Variants in SCGB2B2 observed in about 807,000 individuals in gnomAD.
The protein encoded by SCGB2B2 is secretoglobin family 2B member 2.
In SCGB2B2, 11 loss-of-function variants were observed where a neutral mutation model predicts 7.6. The observed-to-expected ratio is 1.45, with a 90% confidence interval of 0.91 to 2.40. The LOEUF (loss-of-function observed/expected upper bound fraction) is 2.40. SCGB2B2 is among the 30% of genes most tolerant of loss of function. SCGB2B2 has a pLI of 0.00. For missense variants in SCGB2B2, 104 were observed against 115.4 expected, an observed-to-expected ratio of 0.90 and a Z score of 0.45; for synonymous variants, 50 against 48.6, an observed-to-expected ratio of 1.03 and a Z score of -0.12.
At chr19:34,673,260 G>A (rs1049502178) in intron 1 of SCGB2B2, among the ~76,000 whole-genome samples, 2 of 152,122 alleles carry the variant, frequency 1.3e-5, no homozygotes, top group Non-Finnish European at 2.9e-5. Flanking sequence ...TCTTTCTCAA[G>A]TGTCTGGCAT....
chr19:34,635,604 G>C (rs1477322554), intron 1 of SCGB2B2: 1 of 225,204 alleles, frequency 4.4e-6, no homozygotes, highest in African/African-American at 2.3e-5. Context: ...GCATTTGTAA[G>C]GTCTTTCTCT....
intron 1 of SCGB2B2, among the ~76,000 whole-genome samples, chr19:34,649,242 A>G (rs1358476142): frequency 2.0e-5 from 3 of 152,164 alleles, no homozygotes; most frequent in African/African-American, 4.8e-5. Flanking sequence ...CTGTATGTAA[A>G]AGTTCCGGAA....
At chr19:34,617,797 A>G (rs2062255784) in intron 1 of SCGB2B2, among the ~76,000 whole-genome samples, 1 of 152,196 alleles carries the variant, frequency 6.6e-6, no homozygotes, top group African/African-American at 2.4e-5. Context: ...GTTTTTGCCC[A>G]TTCAGTATGA....
chr19:34,594,115 A>T (rs1214774631), intron 3 of SCGB2B2, 60 bp downstream of exon 3: 4 of 1,360,876 alleles, frequency 2.9e-6, no homozygotes, highest in Non-Finnish European at 4.2e-6. Flanking sequence ...AAGTGCAGGG[A>T]AGTGCAAGCC....
chr19:34,604,226 C>G (rs1473622029), intron 1 of SCGB2B2, among the ~76,000 whole-genome samples: 1 of 152,152 alleles, frequency 6.6e-6, no homozygotes, highest in Non-Finnish European at 1.5e-5. Flanking sequence ...ATATCAGGCT[C>G]AGGATGTCCC....
chr19:34,630,239 C>T (rs2066491247), intron 1 of SCGB2B2, among the ~76,000 whole-genome samples: 1 of 151,890 alleles, frequency 6.6e-6, no homozygotes, highest in Non-Finnish European at 1.5e-5. Context: ...AAAGCAATGG[C>T]AACAAATGCC....
At chr19:34,649,411 C>A (rs956614207) in intron 1 of SCGB2B2, among the ~76,000 whole-genome samples, 7 of 152,132 alleles carry the variant, frequency 4.6e-5, no homozygotes, top group Admixed American at 4.6e-4. Flanking sequence ...CTGAACAGAA[C>A]TGACACACAC....
At chr19:34,602,121 TTC>T (rs2065643368) in intron 1 of SCGB2B2, among the ~76,000 whole-genome samples, 1 of 152,204 alleles carries the variant, frequency 6.6e-6, no homozygotes, top group Non-Finnish European at 1.5e-5. Flanking sequence ...ATTATTTTAT[TTC>T]TGTCTTCTAA....
intron 1 of SCGB2B2, among the ~76,000 whole-genome samples, chr19:34,650,338 C>T (rs1003848704): frequency 2.6e-5 from 4 of 151,290 alleles, no homozygotes; most frequent in Non-Finnish European, 5.9e-5. Context: ...AAACCTCCTG[C>T]TCACCTGGCT....
downstream of SCGB2B2, among the ~76,000 whole-genome samples, chr19:34,590,106 T>C (rs534757921): frequency 2.6e-5 from 4 of 152,322 alleles, no homozygotes; most frequent in African/African-American, 7.2e-5. Flanking sequence ...ATTTCAACCT[T>C]GAGAATGGCT....
rs112260708 is a variant in SCGB2B2, at chr19:34,657,070, T to C, written c.-2032+18560A>G. On this transcript the variant is annotated intron_variant, in intron 1 of 3. Transcript: ENST00000601241. ...CTACAGAGAATATATTAAAGAGTTT[T>C]TGAATGCTGAATACGAAACAATATA... 4.8e-3 allele frequency among the ~76,000 whole-genome samples: 722 copies of C among 151,424 alleles called. 14 individuals are homozygous for C. Among genetic ancestry groups the C allele is most frequent in the Non-Finnish European group, 7.5e-3 (512 of 68,024 alleles).
rs2065300817 is a variant in SCGB2B2, at chr19:34,591,651, C to A, written c.*1904G>T. Among the ~76,000 whole-genome samples, 1 of 152,208 alleles carries A rather than the reference C, an allele frequency of 6.6e-6. No homozygotes were observed. The highest frequency in any genetic ancestry group is 1.5e-5 in the Non-Finnish European group (1 of 68,038). ...TCTGACGTGACCTCCTTCCCTGCTG[C>A]CCCTTGTTCCAGCTGCACTGGCCAT... On this transcript the variant is annotated 3_prime_UTR_variant, in exon 4 of 4. Transcript: ENST00000601241.
chr19:34,612,878 T>C (rs1478406393), intron 1 of SCGB2B2, among the ~76,000 whole-genome samples: 1 of 152,230 alleles, frequency 6.6e-6, no homozygotes, highest in Non-Finnish European at 1.5e-5. Flanking sequence ...CATACCCTCT[T>C]GGTATATTGA....
At chr19:34,590,132 C>G (rs1348688062), downstream of SCGB2B2, among the ~76,000 whole-genome samples, 1 of 152,128 alleles carries the variant, frequency 6.6e-6, no homozygotes, top group Non-Finnish European at 1.5e-5. Context: ...GCCTATTGTC[C>G]CTAGACCACA....
chr19:34,587,500 C>G (rs1239234551), downstream of SCGB2B2, among the ~76,000 whole-genome samples: 1 of 152,170 alleles, frequency 6.6e-6, no homozygotes, highest in Admixed American at 6.5e-5. Context: ...ATCCTCCTTT[C>G]CAGTCTGGAT....
intron 1 of SCGB2B2, among the ~76,000 whole-genome samples, chr19:34,628,298 A>T (rs8107481): frequency 1.7e-4 from 25 of 151,488 alleles, no homozygotes; most frequent in Admixed American, 5.3e-4. Context: ...GATAGAGACA[A>T]AAAAAAACTC....
At chr19:34,631,975 A>G (rs2066548256) in intron 1 of SCGB2B2, 1 of 152,198 alleles carries the variant, frequency 6.6e-6, no homozygotes, top group South Asian at 2.1e-4. Context: ...ATAAGATCAA[A>G]TAATTTTAAA....
intron 1 of SCGB2B2, among the ~76,000 whole-genome samples, chr19:34,658,152 C>T (rs1466326999): frequency 6.6e-6 from 1 of 152,146 alleles, no homozygotes; most frequent in South Asian, 2.1e-4. Context: ...GAGGAGAGAT[C>T]TAAAATCGAC....
intron 1 of SCGB2B2, among the ~76,000 whole-genome samples, chr19:34,634,567 G>A (rs115499383): frequency 0.014 from 2,122 of 152,214 alleles, 35 homozygotes; most frequent in African/African-American, 0.048. Context: ...TACTTTCAGA[G>A]CTTCTGTCCG....
Sources: allele counts gnomAD v4.1 joint callset (sites outside exome capture counted in the v4.1 genomes callset), GRCh38; gene constraint gnomAD v4.1.1; transcripts MANE v1.5; gene names NCBI Gene and HGNC (gene_info 2026-07-23, HGNC 2026-07-21).